The following BPTF variants were observed in gnomAD, a reference collection of about 807,000 sequenced individuals.
The protein encoded by BPTF is nucleosome-remodeling factor subunit BPTF.
In BPTF, 18 loss-of-function variants were observed where a neutral mutation model predicts 292.5. The observed-to-expected ratio is 0.06, with a 90% CI of 0.04 to 0.09. BPTF has a LOEUF of 0.09. Ranked by LOEUF, BPTF falls within the 10% of genes least tolerant of loss-of-function variation. BPTF has a pLI of 1.00. For missense variants in BPTF, 2,726 were observed against 3,498.7 expected (o/e 0.78, Z 5.57); for synonymous variants, 1,225 against 1,251.9 (o/e 0.98, Z 0.45).
At chr17:67,886,392 G>GT in intron 4 of BPTF, 1 of 1,028,326 alleles carries the variant, frequency 9.7e-7, no homozygotes, top group Non-Finnish European at 1.3e-6. Context: ...TGTGTGTGTG[G>GT]TTTTTTGCTT....
chr17:67,832,187 C>T (rs1459033219), intron 1 of BPTF, among the ~76,000 whole-genome samples: 1 of 151,818 alleles, frequency 6.6e-6, no homozygotes, highest in African/African-American at 2.4e-5. Flanking sequence ...CGTACCCGGC[C>T]TCTAATTTTT....
intron 4 of BPTF, among the ~76,000 whole-genome samples, chr17:67,880,267 G>A (rs2060314165): frequency 6.6e-6 from 1 of 151,770 alleles, no homozygotes; most frequent in South Asian, 2.1e-4. Context: ...TTTATTGTAT[G>A]TTTTTCTCCA....
intron 1 of BPTF, among the ~76,000 whole-genome samples, chr17:67,835,402 A>G (rs1189722547): frequency 6.6e-6 from 1 of 152,008 alleles, no homozygotes; most frequent in Admixed American, 6.6e-5. Flanking sequence ...GACCAGGGGG[A>G]ATTTACCTAA....
intron 1 of BPTF, among the ~76,000 whole-genome samples, chr17:67,844,848 A>C (rs1020691167): frequency 2.0e-5 from 3 of 151,910 alleles, no homozygotes; most frequent in Non-Finnish European, 4.4e-5. Flanking sequence ...GGTTCAAGCA[A>C]TTCTCTTGCC....
At chr17:67,971,395 T>A (rs1304669764) in intron 26 of BPTF, among the ~76,000 whole-genome samples, 1 of 152,040 alleles carries the variant, frequency 6.6e-6, no homozygotes, top group Non-Finnish European at 1.5e-5. Context: ...AGGCTTTTTT[T>A]TAAAAACAAT....
At position 67,975,971 on chromosome 17, in the gene BPTF, G is replaced by C; in HGVS notation, c.8726+13G>C. ...TCAAAGCTAGCAGGTGAGCAGATGG[G>C]TTCGGTATTCTGAATTAATTCAACT... On this transcript the variant is annotated intron_variant, in intron 27 of 27. Coordinates refer to ENST00000306378, the MANE Select transcript of BPTF (RefSeq NM_182641.4). The C allele has an allele frequency of 6.3e-7, 1 of 1,594,210 alleles. No individual in the cohort carries two copies. Among genetic ancestry groups the C allele is most frequent in the Non-Finnish European group, 8.5e-7 (1 of 1,170,768 alleles).
intron 10 of BPTF, among the ~76,000 whole-genome samples, chr17:67,910,593 A>G (rs1401129031): frequency 1.3e-5 from 2 of 152,182 alleles, no homozygotes; most frequent in African/African-American, 4.8e-5. Context: ...TGAAGTCAGG[A>G]GTTCAAGACC....
At chr17:67,977,563 TC>T (rs1468204298) in intron 27 of BPTF, 1 of 150,854 alleles carries the variant, frequency 6.6e-6, no homozygotes, top group Non-Finnish European at 1.5e-5. Context: ...ACAAATTTTT[TC>T]CTTTTAATAA....
chr17:67,978,149 C>T (rs150051409), intron 27 of BPTF, among the ~76,000 whole-genome samples: 3 of 151,752 alleles, frequency 2.0e-5, no homozygotes, highest in East Asian at 2.0e-4. Flanking sequence ...CCACCGCACC[C>T]GGCCATGATG....
chr17:67,928,205 T>G, intron 15 of BPTF, 150 bp from the exon 16 acceptor site: 1 of 861,484 alleles, frequency 1.2e-6, no homozygotes. Flanking sequence ...TAAATTTATA[T>G]GGACATATAT....
intron 19 of BPTF, among the ~76,000 whole-genome samples, chr17:67,941,486 A>G (rs1381889509): frequency 6.6e-6 from 1 of 152,200 alleles, no homozygotes; most frequent in East Asian, 1.9e-4. Flanking sequence ...ATAATACTTC[A>G]CTAATTAATA....
At chr17:67,974,147 T>TGGAG (rs1208637711) in intron 26 of BPTF, 1 of 152,238 alleles carries the variant, frequency 6.6e-6, no homozygotes, top group Non-Finnish European at 1.5e-5. Flanking sequence ...GATTGGAGAT[T>TGGAG]ACTGGCCTTT....
In BPTF at chr17:67,826,351, C is replaced by A. The variant is rs1195778030; in HGVS notation, c.613+14C>A. 7.5e-6 allele frequency: 12 copies of A among 1,598,012 alleles called. No individual in the cohort carries two copies. Among genetic ancestry groups the A allele is most frequent in the Non-Finnish European group, 1.0e-5 (12 of 1,170,304 alleles). Reference sequence around the variant, plus strand: ...GCAGCACTCCAGGTACCCACCCAGCCCAGTTGCTGCAGACTCCTTCCCCAC... The same window carrying A: ...GCAGCACTCCAGGTACCCACCCAGCACAGTTGCTGCAGACTCCTTCCCCAC... On this transcript the variant is annotated intron_variant, in intron 1 of 27. Coordinates refer to ENST00000306378, the MANE Select transcript of BPTF (RefSeq NM_182641.4).
At position 67,891,974 on chromosome 17, in the gene BPTF, G is replaced by A; in HGVS notation, c.1995G>A (p.Lys665=). Residue 665 remains lysine (K), a synonymous_variant, in exon 5 of 28, where the codon AAG becomes AAA. Transcript: ENST00000306378. The part of the protein sequence containing the change: ...RNPDSKLSQL[K]SQQVAAAAHE... ...CAGATAGCAAACTTAGTCAGCTGAA[G>A]AGCCAGCAGGTGGCAGCCGCTGCAC... 1 of 1,610,802 alleles carries A rather than the reference G, an allele frequency of 6.2e-7. No homozygotes were observed. The highest frequency in any genetic ancestry group is 8.5e-7 in the Non-Finnish European group (1 of 1,178,738).
At chr17:67,897,757 C>A (rs2061549035) in intron 7 of BPTF, among the ~76,000 whole-genome samples, 1 of 152,146 alleles carries the variant, frequency 6.6e-6, no homozygotes, top group African/African-American at 2.4e-5. Flanking sequence ...TCTTAAATTT[C>A]GAGAACCAGA....
intron 1 of BPTF, among the ~76,000 whole-genome samples, chr17:67,849,125 T>C (rs964905259): frequency 6.6e-6 from 1 of 152,168 alleles, no homozygotes; most frequent in African/African-American, 2.4e-5. Flanking sequence ...GGAGTATCCA[T>C]TTTCTTTAAA....
chr17:67,875,537 G>C, intron 4 of BPTF: 1 of 1,455,246 alleles, frequency 6.9e-7, no homozygotes, highest in Non-Finnish European at 9.1e-7. Flanking sequence ...TTGAAGTTTT[G>C]TTGTGCATTT....
At chr17:67,909,206 G>T (rs1598584895) in intron 9 of BPTF, among the ~76,000 whole-genome samples, 2 of 135,408 alleles carry the variant, frequency 1.5e-5, no homozygotes, top group Non-Finnish European at 1.6e-5. Context: ...TTTAATTTTT[G>T]GACACAGAGC....
At chr17:67,952,862 C>T (rs2066510883) in intron 23 of BPTF, among the ~76,000 whole-genome samples, 1 of 152,166 alleles carries the variant, frequency 6.6e-6, no homozygotes, top group African/African-American at 2.4e-5. Flanking sequence ...CCTCCTCTTT[C>T]CCCCTGTGCT....
Sources: gnomAD v4.1 joint callset for allele counts (sites outside exome capture counted in the v4.1 genomes callset) on GRCh38, gnomAD v4.1.1 for gene constraint, MANE v1.5 for transcripts, NCBI Gene and HGNC (gene_info 2026-07-23, HGNC 2026-07-21) for gene names.